BACE2: variants seen among roughly 807,000 people sequenced by gnomAD.
BACE2 encodes the protein 56 kDa aspartic-like protease.
Under a neutral mutation model 46.2 loss-of-function variants are expected in BACE2, and 17 were observed. That is an observed-to-expected ratio of 0.37 (90% CI 0.25 to 0.55). The LOEUF is 0.55. BACE2 is among the 20% of genes least tolerant of loss of function. The pLI is 0.82. For missense variants in BACE2, 595 were observed against 698.1 expected (o/e 0.85, Z 1.66); for synonymous variants, 277 against 295.9 (o/e 0.94, Z 0.66).
intron 1 of BACE2, among the ~76,000 whole-genome samples, chr21:41,217,498 A>G (rs113982325): frequency 0.012 from 1,869 of 152,222 alleles, 15 homozygotes; most frequent in Non-Finnish European, 0.02. Flanking sequence ...GCCTCCAGAA[A>G]GCATTTAAAT....
At chr21:41,259,206 G>A (rs1441741061) in intron 8 of BACE2, among the ~76,000 whole-genome samples, 2 of 152,050 alleles carry the variant, frequency 1.3e-5, no homozygotes, top group African/African-American at 4.8e-5. Context: ...ATTTCACTGT[G>A]AGTTATTTGC....
Position 41,275,822 on chromosome 21 carries a change from G to C in BACE2, c.*198G>C. The C allele has an allele frequency of 1.5e-6, 1 of 671,150 alleles. No homozygotes were observed. 41.6% of individuals were successfully genotyped at this position (671,150 alleles called of 1,614,324 possible). A position where few individuals can be genotyped will look rare whatever the true frequency, so the allele number is the denominator to read the frequency against. ...GCTTTCAAATCCTCCCTACTTCCAAGAAAAATAATTAAAAAAAAAACTTCA... is the reference window on the plus strand; with the variant it reads ...GCTTTCAAATCCTCCCTACTTCCAACAAAAATAATTAAAAAAAAAACTTCA... On this transcript the variant is annotated 3_prime_UTR_variant, in exon 9 of 9. Transcript: ENST00000330333.
At chr21:41,250,969 G>A (rs534236029) in intron 7 of BACE2, 68 bp downstream of exon 7, 19 of 1,430,968 alleles carry the variant, frequency 1.3e-5, no homozygotes, top group South Asian at 7.3e-5. Flanking sequence ...TGCATGACAC[G>A]TGTATTAGAT....
chr21:41,212,905 G>A (rs1217430287), intron 1 of BACE2, among the ~76,000 whole-genome samples: 1 of 152,228 alleles, frequency 6.6e-6, no homozygotes, highest in African/African-American at 2.4e-5. Context: ...CAGCTGGGAA[G>A]TTGACTAAGT....
intron 8 of BACE2, among the ~76,000 whole-genome samples, chr21:41,261,332 C>T (rs988896447): frequency 6.6e-6 from 1 of 152,150 alleles, no homozygotes; most frequent in Non-Finnish European, 1.5e-5. Flanking sequence ...AATAGTGTCA[C>T]ATTTTAGTTG....
chr21:41,235,880 A>C (rs556922786), intron 2 of BACE2, among the ~76,000 whole-genome samples: 5 of 152,328 alleles, frequency 3.3e-5, no homozygotes, highest in African/African-American at 1.2e-4. Flanking sequence ...GAATGAATGA[A>C]CAAATGATCA....
At chr21:41,220,608 A>G (rs888552438) in intron 1 of BACE2, among the ~76,000 whole-genome samples, 3 of 152,166 alleles carry the variant, frequency 2.0e-5, no homozygotes, top group Non-Finnish European at 4.4e-5. Context: ...ATGAGAAATT[A>G]GGATTAAATC....
chr21:41,173,562 A>C (rs1984681522), intron 1 of BACE2, among the ~76,000 whole-genome samples: 1 of 152,164 alleles, frequency 6.6e-6, no homozygotes, highest in Non-Finnish European at 1.5e-5. Flanking sequence ...CCTGGTCAAC[A>C]TGGTGAAACC....
At chr21:41,236,271 C>G (rs543935720) in intron 2 of BACE2, among the ~76,000 whole-genome samples, 2 of 152,184 alleles carry the variant, frequency 1.3e-5, no homozygotes, top group South Asian at 4.1e-4. Flanking sequence ...TAGAGAGCCC[C>G]AGGTCTCACT....
At chr21:41,222,404 G>A (rs955008325) in intron 1 of BACE2, among the ~76,000 whole-genome samples, 3 of 152,224 alleles carry the variant, frequency 2.0e-5, no homozygotes, top group African/African-American at 7.2e-5. Flanking sequence ...GGAAGGGAGC[G>A]ATGGGCCGTG....
In BACE2 at chr21:41,275,590, A is replaced by G; in HGVS notation, c.1523A>G (p.Asp508Gly). Reference protein sequence around the residue: ...RRPRDPEVVNDESSLVRHRWK With the variant: ...RRPRDPEVVNGESSLVRHRWK ...CCCCGTGACCCTGAGGTCGTCAATGATGAGTCCTCTCTGGTCAGACATCGC... is the reference window on the plus strand; with the variant it reads ...CCCCGTGACCCTGAGGTCGTCAATGGTGAGTCCTCTCTGGTCAGACATCGC... Residue 508 changes from aspartate to glycine, a missense_variant, in exon 9 of 9, where the codon GAT becomes GGT. Coordinates refer to ENST00000330333, the MANE Select transcript of BACE2 (RefSeq NM_012105.5). 6.2e-7 allele frequency: 1 copy of G among 1,613,930 alleles called. No individual in the cohort carries two copies. Among genetic ancestry groups the G allele is most frequent in the Non-Finnish European group, 8.5e-7 (1 of 1,179,992 alleles).
At chr21:41,253,844 TTTTTATTTTTAAAAATCCAC>T (rs1163263958) in intron 7 of BACE2, among the ~76,000 whole-genome samples, 2 of 152,176 alleles carry the variant, frequency 1.3e-5, no homozygotes, top group Non-Finnish European at 2.9e-5. Flanking sequence ...ATGTTCAGAT[TTTTTATTTTTAAAAATCCAC>T]TTTGCCTGCT....
At chr21:41,216,112 A>G (rs1012620358) in intron 1 of BACE2, among the ~76,000 whole-genome samples, 9 of 152,024 alleles carry the variant, frequency 5.9e-5, no homozygotes, top group African/African-American at 1.9e-4. Flanking sequence ...TGGCATTACT[A>G]TTTTTATCTC....
chr21:41,258,467 C>T (rs1987848008), intron 8 of BACE2, among the ~76,000 whole-genome samples: 1 of 152,202 alleles, frequency 6.6e-6, no homozygotes, highest in South Asian at 2.1e-4. Context: ...ATGAGGTACA[C>T]AGGCAAAATG....
intron 7 of BACE2, among the ~76,000 whole-genome samples, chr21:41,254,340 G>C (rs555059176): frequency 9.2e-5 from 14 of 152,188 alleles, no homozygotes; most frequent in African/African-American, 3.4e-4. Context: ...GCCCCTCCCT[G>C]CTGGTCTCCT....
At chr21:41,250,959 T>A in intron 7 of BACE2, 58 bp downstream of exon 7, 2 of 1,518,644 alleles carry the variant, frequency 1.3e-6, no homozygotes, top group Middle Eastern at 3.4e-4. Flanking sequence ...AAGCACTCCA[T>A]GCATGACACG....
chr21:41,211,871 C>T (rs780175501), intron 1 of BACE2, among the ~76,000 whole-genome samples: 1 of 152,212 alleles, frequency 6.6e-6, no homozygotes, highest in Non-Finnish European at 1.5e-5. Flanking sequence ...AAATGGCTTT[C>T]TGTAGGGTTA....
rs570232180 is a variant in BACE2 at position 41,194,115 on chromosome 21, T to G, written c.312+25540T>G. ...AGCCATGATTCTCTGTTTTTATAAT[T>G]CAAATTAGTGTTTTGGCCATTTGAC... On this transcript the variant is annotated intron_variant, in intron 1 of 8. Transcript: ENST00000330333. Among the ~76,000 whole-genome samples, 5 of 152,300 alleles carry G rather than the reference T, an allele frequency of 3.3e-5. No homozygotes were observed. The East Asian group carries it at 9.7e-4, about 29-fold the overall frequency.
At chr21:41,272,141 A>G (rs1254399753) in intron 8 of BACE2, among the ~76,000 whole-genome samples, 1 of 151,702 alleles carries the variant, frequency 6.6e-6, no homozygotes, top group East Asian at 1.9e-4. Context: ...ATGTTACTCT[A>G]TTGTCTTCTA....
Sources: gnomAD v4.1 joint callset for allele counts (sites outside exome capture counted in the v4.1 genomes callset) on GRCh38, gnomAD v4.1.1 for gene constraint, MANE v1.5 for transcripts, NCBI Gene and HGNC (gene_info 2026-07-23, HGNC 2026-07-21) for gene names.